Variants in LAMA3 observed in about 807,000 individuals in gnomAD.
The protein encoded by LAMA3 is laminin subunit alpha 3.
LAMA3 carries 281 observed loss-of-function variants against 402.0 expected under a neutral mutation model. That is an observed-to-expected ratio of 0.70 (90% CI 0.63 to 0.77). LAMA3 has a LOEUF of 0.77. Among genes scored for constraint, LAMA3 ranks in the 30% least tolerant of loss-of-function variants. LAMA3 has a pLI of 0.00. For missense variants in LAMA3, 3,840 were observed against 4,215.5 expected (o/e 0.91, Z 2.47); for synonymous variants, 1,431 against 1,558.4 (o/e 0.92, Z 1.93).
chr18:23,702,550 C>T (rs1308534227), intron 1 of LAMA3, among the ~76,000 whole-genome samples: 1 of 152,156 alleles, frequency 6.6e-6, no homozygotes, highest in Admixed American at 6.5e-5. Context: ...CGGTCTTGAA[C>T]TCTTAGGCTC....
intron 62 of LAMA3, among the ~76,000 whole-genome samples, chr18:23,926,378 C>T (rs1188928594): frequency 6.6e-6 from 1 of 152,088 alleles, no homozygotes; most frequent in African/African-American, 2.4e-5. Flanking sequence ...TATGTTGAAA[C>T]CCAAAGAAGA....
chr18:23,805,411 T>C (rs546751173), intron 12 of LAMA3, among the ~76,000 whole-genome samples: 2 of 152,330 alleles, frequency 1.3e-5, no homozygotes, highest in South Asian at 2.1e-4. Context: ...TGTATTGCTT[T>C]TGGTTGTACT....
chr18:23,768,337 C>T (rs2062123292), intron 8 of LAMA3, among the ~76,000 whole-genome samples: 1 of 152,084 alleles, frequency 6.6e-6, no homozygotes, highest in Non-Finnish European at 1.5e-5. Flanking sequence ...AAGACATGAA[C>T]AGACACTTTG....
chr18:23,835,221 G>T (rs2144533082), intron 24 of LAMA3, among the ~76,000 whole-genome samples: 1 of 152,286 alleles, frequency 6.6e-6, no homozygotes, highest in South Asian at 2.1e-4. Context: ...CCACCCACCA[G>T]TTCGGCTCTC....
At chr18:23,798,796 CA>C (rs1351463060) in intron 12 of LAMA3, among the ~76,000 whole-genome samples, 1 of 152,182 alleles carries the variant, frequency 6.6e-6, no homozygotes, top group African/African-American at 2.4e-5. Flanking sequence ...GACTGAAGAT[CA>C]AGGTGCCAAT....
intron 41 of LAMA3, among the ~76,000 whole-genome samples, chr18:23,885,892 T>A (rs753147065): frequency 1.3e-5 from 2 of 152,220 alleles, no homozygotes; most frequent in Non-Finnish European, 2.9e-5. Context: ...AAAAGCTGGC[T>A]GTTTGTTCCT....
At chr18:23,736,392 T>C (rs2061475586) in intron 2 of LAMA3, among the ~76,000 whole-genome samples, 1 of 151,388 alleles carries the variant, frequency 6.6e-6, no homozygotes, top group African/African-American at 2.4e-5. Context: ...GGTATTTGTA[T>C]GGTCAATTAG....
At chr18:23,902,292 G>A (rs569574246) in intron 48 of LAMA3, among the ~76,000 whole-genome samples, 22 of 152,070 alleles carry the variant, frequency 1.4e-4, no homozygotes, top group African/African-American at 3.9e-4. Flanking sequence ...CCATTATCGA[G>A]CCACTGCACT....
chr18:23,694,000 T>C (rs551673049), intron 1 of LAMA3, among the ~76,000 whole-genome samples: 1 of 152,304 alleles, frequency 6.6e-6, no homozygotes, highest in East Asian at 1.9e-4. Context: ...AGGGAGTCTT[T>C]TTCTGCTTTG....
At chr18:23,891,642 T>C (rs951094710) in intron 42 of LAMA3, among the ~76,000 whole-genome samples, 8 of 152,110 alleles carry the variant, frequency 5.3e-5, no homozygotes, top group Non-Finnish European at 4.4e-5. Flanking sequence ...AGGATAAGGG[T>C]GTGGTCCTGT....
chr18:23,871,509 G>C lies in LAMA3; in HGVS notation c.4846G>C (p.Val1616Leu). Residue 1616 changes from valine (V) to leucine (L), a missense_variant, in exon 38 of 75, where the codon GTG becomes CTG. Coordinates refer to ENST00000313654, the MANE Select transcript of LAMA3 (RefSeq NM_198129.4). ...LMTVLSRLADVRIQGLYFTET... is the reference protein window; with the variant it reads ...LMTVLSRLADLRIQGLYFTET... ...GACAGTGCTGTCTAGACTGGCAGAT[G>C]TGCGCATCCAAGGCCTCTACTTCAC... 6.2e-7 allele frequency: 1 copy of C among 1,614,216 alleles called. No homozygotes were observed. The highest frequency in any genetic ancestry group is 8.5e-7 in the Non-Finnish European group (1 of 1,180,036).
At chr18:23,871,388 A>C (rs767753091) in intron 37 of LAMA3, 43 bp from the exon 38 acceptor site, 2 of 1,555,994 alleles carry the variant, frequency 1.3e-6, no homozygotes, top group Admixed American at 3.3e-5. Context: ...CCTGGAAGTG[A>C]GCCTGCCTAA....
chr18:23,812,458 A>T (rs1019702784), intron 13 of LAMA3, among the ~76,000 whole-genome samples: 7 of 152,206 alleles, frequency 4.6e-5, no homozygotes, highest in African/African-American at 1.4e-4. Flanking sequence ...CCTATTATGG[A>T]TTTATTTAAA....
intron 66 of LAMA3, among the ~76,000 whole-genome samples, chr18:23,932,806 G>A (rs1027034196): frequency 6.6e-6 from 1 of 152,150 alleles, no homozygotes; most frequent in African/African-American, 2.4e-5. Flanking sequence ...ATCTTCTCCA[G>A]GGTAAGGAGA....
intron 42 of LAMA3, among the ~76,000 whole-genome samples, chr18:23,891,527 T>A (rs1378773582): frequency 6.6e-6 from 1 of 152,164 alleles, no homozygotes. Context: ...GGGGTGAAAT[T>A]CCCTGGTCTT....
chr18:23,949,955 T>G (rs746264458), intron 71 of LAMA3, 31 bp downstream of exon 71: 2 of 1,614,132 alleles, frequency 1.2e-6, no homozygotes, highest in Non-Finnish European at 1.7e-6. Context: ...ATTTAAGTCT[T>G]TGCATCTTAA....
intron 72 of LAMA3, 82 bp downstream of exon 72, chr18:23,950,241 G>C: frequency 6.7e-7 from 1 of 1,496,806 alleles, no homozygotes; most frequent in Non-Finnish European, 9.3e-7. Context: ...CAGGTTTGTA[G>C]TAGAGAATGG....
At chr18:23,885,288 G>A (rs993063188) in intron 41 of LAMA3, among the ~76,000 whole-genome samples, 8 of 150,320 alleles carry the variant, frequency 5.3e-5, no homozygotes, top group Non-Finnish European at 4.4e-5. Flanking sequence ...ACACTCTTCC[G>A]TACACACACA....
chr18:23,738,942 C>T, intron 2 of LAMA3, among the ~76,000 whole-genome samples: 1 of 152,196 alleles, frequency 6.6e-6, no homozygotes, highest in East Asian at 1.9e-4. Context: ...GAGTTGCATT[C>T]TGTTCCCAGC....
Sources: gnomAD v4.1 joint callset for allele counts (sites outside exome capture counted in the v4.1 genomes callset) on GRCh38, gnomAD v4.1.1 for gene constraint, MANE v1.5 for transcripts, NCBI Gene and HGNC (gene_info 2026-07-23, HGNC 2026-07-21) for gene names.